Variants in ALKBH3 observed in about 807,000 individuals in gnomAD.
The protein encoded by ALKBH3 is alkB homolog 3, alpha-ketoglutarate dependent dioxygenase.
Under a neutral mutation model 43.9 loss-of-function variants are expected in ALKBH3, and 51 were observed. That is an observed-to-expected ratio of 1.16 (90% CI 0.93 to 1.47). ALKBH3 has a LOEUF of 1.47. Among genes scored for constraint, ALKBH3 ranks in the 40% most tolerant of loss-of-function variants. The pLI is 0.00. For missense variants in ALKBH3, 361 were observed against 351.9 expected (o/e 1.03, Z -0.21); for synonymous variants, 102 against 115.2 (o/e 0.89, Z 0.73).
In ALKBH3 at chr11:43,880,966, G is replaced by A. The variant is rs1049506110; in HGVS notation, c.-284G>A. ...TCCTGACTTACTGCTGGGTGCGCGGGGCTGGGGGTGCGAGTACCACCCCTG... is the reference window on the plus strand; with the variant it reads ...TCCTGACTTACTGCTGGGTGCGCGGAGCTGGGGGTGCGAGTACCACCCCTG... On this transcript the variant is annotated 5_prime_UTR_variant, in exon 1 of 10. Coordinates refer to ENST00000302708, the MANE Select transcript of ALKBH3 (RefSeq NM_139178.4). 1.3e-5 allele frequency: 2 copies of A among 152,420 alleles called. No individual in the cohort carries two copies. The highest frequency in any genetic ancestry group is 1.3e-4 in the Admixed American group (2 of 15,292). The allele number at this position is 152,420 out of a possible 1,614,324, so 9.4% of individuals were successfully genotyped here.
intron 8 of ALKBH3, among the ~76,000 whole-genome samples, chr11:43,909,110 T>G (rs151199793): frequency 6.6e-6 from 1 of 152,332 alleles, no homozygotes; most frequent in Non-Finnish European, 1.5e-5. Context: ...CCAAGTAAAC[T>G]GTTTCGAACC....
intron 5 of ALKBH3, 142 bp downstream of exon 5, chr11:43,886,795 C>A: frequency 1.2e-6 from 1 of 839,092 alleles, no homozygotes; most frequent in Non-Finnish European, 1.8e-6. Flanking sequence ...GAAAGCATGT[C>A]CTTTGCGGGA....
chr11:43,909,456 G>A (rs1200955005), intron 8 of ALKBH3: 6 of 152,162 alleles, frequency 3.9e-5, no homozygotes, highest in African/African-American at 1.4e-4. Context: ...CCAAGCTTAG[G>A]TGATCCATGA....
At chr11:43,893,775 A>C (rs1248143477) in intron 7 of ALKBH3, among the ~76,000 whole-genome samples, 2 of 152,218 alleles carry the variant, frequency 1.3e-5, no homozygotes, top group East Asian at 3.8e-4. Context: ...AGAATTCTTT[A>C]ATTCAGATTT....
At position 43,883,995 on chromosome 11, in the gene ALKBH3, G is replaced by C; in HGVS notation, c.196G>C (p.Ala66Pro). ...FKEPQQVVRRAPEPRVIDREG... is the reference protein window; with the variant it reads ...FKEPQQVVRRPPEPRVIDREG... ...TATTTCCTTGCAGGTAGTACGTAGAGCTCCTGAGCCACGAGTGATTGAGTA... is the reference window on the plus strand; with the variant it reads ...TATTTCCTTGCAGGTAGTACGTAGACCTCCTGAGCCACGAGTGATTGAGTA... Residue 66 changes from alanine to proline, a missense_variant, in exon 4 of 10, where the codon GCT (alanine) becomes CCT (proline). Physicochemically the swap from Ala to Pro is conservative, Grantham distance 27. Transcript: ENST00000302708. 3 of 1,613,924 alleles carry C rather than the reference G, an allele frequency of 1.9e-6. No homozygotes were observed. Among genetic ancestry groups the C allele is most frequent in the Non-Finnish European group, 2.5e-6 (3 of 1,179,906 alleles).
chr11:43,889,968 C>A, intron 6 of ALKBH3, 140 bp downstream of exon 6: 1 of 687,928 alleles, frequency 1.5e-6, no homozygotes, highest in South Asian at 1.9e-5. Context: ...TAGAATTAGC[C>A]AAAAAGGACA....
chr11:43,882,668 C>T lies in ALKBH3; in HGVS notation c.16C>T (p.Arg6Trp), dbSNP rs752284114. Residue 6 changes from arginine to tryptophan, a missense_variant, in exon 2 of 10, where the codon CGG (arginine) becomes TGG (tryptophan). Coordinates refer to ENST00000302708, the MANE Select transcript of ALKBH3 (RefSeq NM_139178.4). MEEKR[R>W]RARVQGAWAA... ...TTTGGTCAACATGGAGGAAAAAAGACGGCGAGCCCGAGTTCAGGGAGCCTG... is the reference window on the plus strand; with the variant it reads ...TTTGGTCAACATGGAGGAAAAAAGATGGCGAGCCCGAGTTCAGGGAGCCTG... The T allele has an allele frequency of 1.3e-5, 21 of 1,612,954 alleles. No individual in the cohort carries two copies. Among genetic ancestry groups the T allele is most frequent in the South Asian group, 4.4e-5 (4 of 90,864 alleles).
At chr11:43,919,178 G>GC in intron 9 of ALKBH3, 42 bp downstream of exon 9, 1 of 1,514,466 alleles carries the variant, frequency 6.6e-7, no homozygotes, top group Non-Finnish European at 9.2e-7. Context: ...TCATGTGGAG[G>GC]CAGTTTCCTG....
intron 1 of ALKBH3, chr11:43,881,393 A>C (rs1227750623): frequency 6.6e-6 from 1 of 152,272 alleles, no homozygotes; most frequent in Non-Finnish European, 1.5e-5. Context: ...ATCTATTTTC[A>C]ACAATTGTTC....
At chr11:43,919,016 T>C (rs7926534) in intron 8 of ALKBH3, 22 bp from the exon 9 acceptor site, 1,399,130 of 1,573,956 alleles carry the variant, frequency 0.89, 624,381 homozygotes, top group East Asian at 0.98. Flanking sequence ...AAACATTTAT[T>C]ACAACAAATG....
intron 8 of ALKBH3, among the ~76,000 whole-genome samples, chr11:43,911,109 A>G (rs1350905639): frequency 3.9e-5 from 6 of 152,220 alleles, no homozygotes; most frequent in Non-Finnish European, 8.8e-5. Context: ...ATTTTAGAAG[A>G]TCACTGTGGC....
intron 7 of ALKBH3, among the ~76,000 whole-genome samples, chr11:43,896,342 A>G (rs938863361): frequency 1.5e-4 from 23 of 151,980 alleles, no homozygotes; most frequent in Non-Finnish European, 4.4e-5. Context: ...TAATTACACA[A>G]TCACAAGATC....
At chr11:43,909,439 T>C (rs956072808) in intron 8 of ALKBH3, 4 of 152,214 alleles carry the variant, frequency 2.6e-5, no homozygotes, top group Non-Finnish European at 5.9e-5. Context: ...GCAGCCCAAC[T>C]GTAGCTCCAA....
intron 8 of ALKBH3, among the ~76,000 whole-genome samples, chr11:43,918,058 C>T (rs1020323931): frequency 2.6e-5 from 4 of 152,078 alleles, no homozygotes; most frequent in Admixed American, 1.3e-4. Flanking sequence ...TGCAGTAACC[C>T]AAATGTAACC....
chr11:43,886,487 T>G, intron 4 of ALKBH3, 119 bp from the exon 5 acceptor site: 1 of 883,646 alleles, frequency 1.1e-6, no homozygotes, highest in Admixed American at 2.2e-5. Flanking sequence ...TATGCCTCTC[T>G]CATAACTAAA....
Position 43,900,219 on chromosome 11 carries a change from T to A in ALKBH3, c.460-1297T>A, listed in dbSNP as rs1176829609. Among the ~76,000 whole-genome samples, 6 of 124,790 alleles carry A rather than the reference T, an allele frequency of 4.8e-5. 1 individual carries two copies. Among genetic ancestry groups the A allele is most frequent in the South Asian group, 5.9e-4 (2 of 3,404 alleles). The allele number at this position is 124,790 out of a possible 152,430, so 81.9% of individuals were successfully genotyped here. ...CATTTTTTTTATTTTAATTTAATTTTTTTTTTTTTTTTTTTTTTTTTTGCG... is the reference window on the plus strand; with the variant it reads ...CATTTTTTTTATTTTAATTTAATTTATTTTTTTTTTTTTTTTTTTTTTGCG... On this transcript the variant is annotated intron_variant, in intron 7 of 9. Transcript: ENST00000302708.
chr11:43,899,472 G>T, intron 7 of ALKBH3: 1 of 704,014 alleles, frequency 1.4e-6, no homozygotes, highest in Non-Finnish European at 2.7e-6. Context: ...TCCATGACGA[G>T]CCTGGAGTCC....
intron 8 of ALKBH3, among the ~76,000 whole-genome samples, chr11:43,913,237 G>A (rs1467399266): frequency 6.6e-6 from 1 of 151,598 alleles, no homozygotes; most frequent in East Asian, 1.9e-4. Flanking sequence ...ATATTTGCAG[G>A]TTTGTTATAT....
chr11:43,885,348 C>A (rs1951739806), intron 4 of ALKBH3, among the ~76,000 whole-genome samples: 1 of 152,196 alleles, frequency 6.6e-6, no homozygotes, highest in Non-Finnish European at 1.5e-5. Context: ...ACATTTTGTT[C>A]TCTGTATACT....
Sources: gnomAD v4.1 joint callset for allele counts (sites outside exome capture counted in the v4.1 genomes callset) on GRCh38, gnomAD v4.1.1 for gene constraint, MANE v1.5 for transcripts, NCBI Gene and HGNC (gene_info 2026-07-23, HGNC 2026-07-21) for gene names.